VRK2: variants seen among roughly 807,000 people sequenced by gnomAD.
VRK2 encodes the protein VRK serine/threonine kinase 2, also known as serine/threonine-protein kinase VRK2.
Under a neutral mutation model 57.6 loss-of-function variants are expected in VRK2, and 60 were observed. That is an observed-to-expected ratio of 1.04 (90% CI 0.85 to 1.29). The LOEUF (loss-of-function observed/expected upper bound fraction) is 1.29. Ranked by LOEUF, VRK2 falls within the 50% of genes most tolerant of loss-of-function variation. VRK2 has a pLI of 0.00. For missense variants in VRK2, 705 were observed against 588.1 expected, an observed-to-expected ratio of 1.20 and a Z score of -2.06; for synonymous variants, 231 against 199.2, an observed-to-expected ratio of 1.16 and a Z score of -1.35.
chr2:58,115,955 A>G (rs936849625), intron 7 of VRK2, among the ~76,000 whole-genome samples: 2 of 152,152 alleles, frequency 1.3e-5, no homozygotes, highest in Non-Finnish European at 2.9e-5. Context: ...AGGATAGGAG[A>G]GTATATGGGT....
intron 2 of VRK2, among the ~76,000 whole-genome samples, chr2:58,081,821 A>ATT (rs1007844673): frequency 4.7e-5 from 7 of 150,138 alleles, no homozygotes; most frequent in Non-Finnish European, 8.9e-5. Context: ...GACATCTTAG[A>ATT]TTTCTCCACC....
intron 2 of VRK2, among the ~76,000 whole-genome samples, chr2:58,059,019 T>G (rs1376024709): frequency 6.6e-6 from 1 of 152,072 alleles, no homozygotes; most frequent in Non-Finnish European, 1.5e-5. Context: ...TGGCAGCTAA[T>G]TTAAGAAATC....
At chr2:58,137,063 C>CATATATCATATATAACATATATATGTGT (rs1680295660) in intron 10 of VRK2, among the ~76,000 whole-genome samples, 2 of 115,286 alleles carry the variant, frequency 1.7e-5, no homozygotes, top group African/African-American at 3.6e-5. Flanking sequence ...GTGTATATAT[C>CATATATCATATATAACATATATATGTGT]ATATATCATA....
intron 2 of VRK2, among the ~76,000 whole-genome samples, chr2:58,057,995 A>G (rs560092051): frequency 6.6e-6 from 1 of 152,240 alleles, no homozygotes; most frequent in African/African-American, 2.4e-5. Flanking sequence ...AAAATGTGTC[A>G]GCATTCAGGA....
intron 12 of VRK2, among the ~76,000 whole-genome samples, chr2:58,156,720 ATGT>A (rs1186537896): frequency 6.6e-6 from 1 of 152,048 alleles, no homozygotes; most frequent in African/African-American, 2.4e-5. Context: ...ATTTCTTTGT[ATGT>A]TGAGATTCCA....
intron 1 of VRK2, among the ~76,000 whole-genome samples, chr2:57,955,129 G>A (rs1407141931): frequency 6.6e-6 from 1 of 152,022 alleles, no homozygotes; most frequent in Non-Finnish European, 1.5e-5. Context: ...GAAATGAAGA[G>A]CATTGTTTCA....
At chr2:58,015,434 A>G (rs1050123912) in intron 1 of VRK2, among the ~76,000 whole-genome samples, 1 of 152,198 alleles carries the variant, frequency 6.6e-6, no homozygotes, top group African/African-American at 2.4e-5. Flanking sequence ...TTCTGATTCT[A>G]TTGACCTTAC....
intron 5 of VRK2, among the ~76,000 whole-genome samples, chr2:58,087,309 T>C (rs868724374): frequency 6.6e-5 from 10 of 152,138 alleles, no homozygotes; most frequent in African/African-American, 2.4e-4. Context: ...AACAGTAATC[T>C]TGAAGTAAAG....
chr2:58,089,236 G>T (rs1173942230), intron 6 of VRK2, among the ~76,000 whole-genome samples: 1 of 152,070 alleles, frequency 6.6e-6, no homozygotes, highest in East Asian at 1.9e-4. Context: ...GATTCTCAAG[G>T]CTTGATTTAT....
rs571226645 is a variant in VRK2, at chr2:57,994,855, C to CA, written c.-438-30802dup. ...TCAAAAATTCCTATATTTTCCCAAACAAAAAAAATTAATGAGAATGACATT... is the reference window on the plus strand; with the variant it reads ...TCAAAAATTCCTATATTTTCCCAAACAAAAAAAAATTAATGAGAATGACATT... On this transcript the variant is annotated intron_variant, in intron 1 of 15. Transcript: ENST00000417641. 3.2e-3 allele frequency among the ~76,000 whole-genome samples: 492 copies of CA among 151,724 alleles called. 6 individuals are homozygous for CA. Among genetic ancestry groups the CA allele is most frequent in the East Asian group, 1.9e-3 (10 of 5,188 alleles).
chr2:58,047,153 G>A lies in VRK2; in HGVS notation c.-6+285G>A, dbSNP rs559250886. 8.3e-4 allele frequency: 258 copies of A among 311,612 alleles called. 2 individuals carry two copies. The highest frequency in any genetic ancestry group is 5.2e-3 in the African/African-American group (229 of 44,368). The allele number at this position is 311,612 out of a possible 1,614,324, so 19.3% of individuals were successfully genotyped here. A position where few individuals can be genotyped will look rare whatever the true frequency, so the allele number is the denominator to read the frequency against. On this transcript the variant is annotated intron_variant, in intron 1 of 12. Transcript: ENST00000340157. ...AGTGGGTGGAGTTTCTCTTTTTGCC[G>A]GTGCAGAGAGAACTTGTGGCGGGAA...
intron 2 of VRK2, chr2:58,058,390 G>C (rs1330223061): frequency 6.4e-6 from 3 of 470,440 alleles, no homozygotes; most frequent in African/African-American, 2.0e-5. Context: ...GCTTAGTGTG[G>C]AGTAAAGGCA....
Position 58,083,139 on chromosome 2 carries a change from A to G in VRK2, c.137-950A>G, listed in dbSNP as rs138939823. ...CTGATTTTCAATTGTAGTCAATACT[A>G]GTTCCACCTTTTTTCCTTTCCCTTT... On this transcript the variant is annotated intron_variant, in intron 2 of 12. Coordinates refer to ENST00000340157, the MANE Select transcript of VRK2 (RefSeq NM_006296.7). Among the ~76,000 whole-genome samples the G allele has an allele frequency of 1.2e-3, 185 of 151,898 alleles. 3 individuals carry two copies. The highest frequency in any genetic ancestry group is 8.7e-3 in the Admixed American group (133 of 15,208).
rs998371326 is a variant in VRK2, at chr2:57,985,040, C to A, written c.-438-40625C>A. Reference sequence around the variant, plus strand: ...TTACGCAAATTTGTTATATTATTCTCTGATTTTCTGATCATTTGAGGCATT... The same window carrying A: ...TTACGCAAATTTGTTATATTATTCTATGATTTTCTGATCATTTGAGGCATT... On this transcript the variant is annotated intron_variant, in intron 1 of 15. Coordinates refer to the VRK2 transcript ENST00000417641. Among the ~76,000 whole-genome samples, 11 of 151,880 alleles carry A rather than the reference C, an allele frequency of 7.2e-5. No individual in the cohort carries two copies. The South Asian group carries it at 1.0e-3, about 14-fold the overall frequency.
At position 57,966,444 on chromosome 2, in the gene VRK2, A is replaced by T. The variant is rs1671919616; in HGVS notation, c.-439+58605A>T. 2.0e-5 allele frequency among the ~76,000 whole-genome samples: 3 copies of T among 152,152 alleles called. No individual in the cohort carries two copies. The South Asian group carries it at 6.2e-4, about 31-fold the overall frequency. ...ATAAGCTGTTATGTTTTTGTTTTTG[A>T]GTTTACAACCCCTAAGGACTGCCTT... On this transcript the variant is annotated intron_variant, in intron 1 of 15. Transcript: ENST00000417641.
chr2:57,995,278 G>A (rs1672890292), intron 1 of VRK2, among the ~76,000 whole-genome samples: 1 of 152,072 alleles, frequency 6.6e-6, no homozygotes, highest in African/African-American at 2.4e-5. Flanking sequence ...ACTGAGTTAT[G>A]TAGATCCTCC....
At chr2:58,023,107 C>G (rs376786177) in intron 1 of VRK2, among the ~76,000 whole-genome samples, 10 of 152,288 alleles carry the variant, frequency 6.6e-5, no homozygotes, top group African/African-American at 2.4e-4. Context: ...CAGACTGAAA[C>G]TCTGTAGCCA....
rs189361318 is a variant in VRK2, at chr2:57,992,049, T to C, written c.-438-33616T>C. On this transcript the variant is annotated intron_variant, in intron 1 of 15. Coordinates refer to the VRK2 transcript ENST00000417641. ...TCTAGAAGAGTGGTACATTAAAACA[T>C]ATATATCAAAAGCACAGATATATGA... 2.0e-5 allele frequency among the ~76,000 whole-genome samples: 3 copies of C among 152,240 alleles called. No individual in the cohort carries two copies. In the East Asian group the frequency reaches 5.8e-4, roughly 29 times the overall value.
chr2:58,150,308 A>AT lies in VRK2; in HGVS notation c.1182+3842dup, dbSNP rs199858765. On this transcript the variant is annotated intron_variant, in intron 12 of 12. Coordinates refer to ENST00000340157, the MANE Select transcript of VRK2 (RefSeq NM_006296.7). ...CTATAATATATAGAGTGATCATTAG[A>AT]TTTTTTTTCTTGGGTCAGTTTTATA... Among the ~76,000 whole-genome samples, 1,391 of 150,936 alleles carry AT rather than the reference A, an allele frequency of 9.2e-3. 19 individuals are homozygous for AT. Among genetic ancestry groups the AT allele is most frequent in the African/African-American group, 0.031 (1,289 of 41,344 alleles).
Sources: gnomAD v4.1 joint callset for allele counts (sites outside exome capture counted in the v4.1 genomes callset) on GRCh38, gnomAD v4.1.1 for gene constraint, MANE v1.5 for transcripts, NCBI Gene and HGNC (gene_info 2026-07-23, HGNC 2026-07-21) for gene names.